The following LRGUK variants were observed in gnomAD, a reference collection of about 807,000 sequenced individuals.
LRGUK encodes the protein leucine rich repeats and guanylate kinase domain containing.
Under a neutral mutation model 76.0 loss-of-function variants are expected in LRGUK, and 65 were observed. The observed-to-expected ratio is 0.85, with a 90% confidence interval of 0.70 to 1.05. The LOEUF (loss-of-function observed/expected upper bound fraction) is 1.05. LRGUK is among the 50% of genes least tolerant of loss of function. LRGUK has a pLI of 0.00. For missense variants in LRGUK, 758 were observed against 732.8 expected (o/e 1.03, Z -0.40); for synonymous variants, 268 against 265.6 (o/e 1.01, Z -0.09).
chr7:134,242,377 A>G (rs1802182541), intron 16 of LRGUK, among the ~76,000 whole-genome samples: 2 of 152,354 alleles, frequency 1.3e-5, no homozygotes, highest in South Asian at 2.1e-4. Flanking sequence ...GGATATCACC[A>G]TGGATCCCAC....
In LRGUK at chr7:134,184,002, T is replaced by A. The variant is rs1672742449; in HGVS notation, c.1334+149T>A. The stretch of plus-strand genomic sequence containing the variant: ...TGTACAAAACAACTTAATATTTAAG[T>A]TACACTTTATAGCAAAGCCAAAAGT... On this transcript the variant is annotated intron_variant, in intron 11 of 15. Transcript: ENST00000645682. 10 of 1,069,986 alleles carry A rather than the reference T, an allele frequency of 9.3e-6. No homozygotes were observed. In the South Asian group the frequency reaches 1.3e-4, roughly 14 times the overall value. 66.3% of individuals were successfully genotyped at this position (1,069,986 alleles called of 1,614,324 possible).
chr7:134,171,680 T>G (rs1554461677), intron 7 of LRGUK, among the ~76,000 whole-genome samples: 1 of 152,142 alleles, frequency 6.6e-6, no homozygotes, highest in Non-Finnish European at 1.5e-5. Context: ...GGATCAACTG[T>G]GCTGAGATGA....
intron 16 of LRGUK, among the ~76,000 whole-genome samples, chr7:134,232,211 G>GA (rs1471498617): frequency 7.9e-5 from 12 of 152,062 alleles, no homozygotes; most frequent in Non-Finnish European, 1.8e-4. Context: ...TCTTTGAGTA[G>GA]AAAATGGGCT....
chr7:134,190,935 T>TTGTTGAGCGGTAAGC (rs1800206894), intron 11 of LRGUK, among the ~76,000 whole-genome samples: 1 of 152,182 alleles, frequency 6.6e-6, no homozygotes, highest in Non-Finnish European at 1.5e-5. Context: ...GGATAGACAG[T>TTGTTGAGCGGTAAGC]AGTTGAGCGG....
chr7:134,140,719 C>CT (rs1260927754), intron 3 of LRGUK, among the ~76,000 whole-genome samples: 1 of 152,066 alleles, frequency 6.6e-6, no homozygotes, highest in African/African-American at 2.4e-5. Flanking sequence ...ATAAAGTCCA[C>CT]TTTTTAACGA....
At chr7:134,210,889 G>A (rs1801239265), downstream of LRGUK, among the ~76,000 whole-genome samples, 2 of 152,246 alleles carry the variant, frequency 1.3e-5, no homozygotes, top group Non-Finnish European at 2.9e-5. Flanking sequence ...CCACTCCCCA[G>A]AACCAGGTGT....
intron 4 of LRGUK, among the ~76,000 whole-genome samples, chr7:134,145,501 C>T (rs1797931941): frequency 6.6e-6 from 1 of 152,174 alleles, no homozygotes; most frequent in African/African-American, 2.4e-5. Context: ...CCCGCCTTGG[C>T]CTCCCAAAGT....
chr7:134,195,732 A>G (rs1286247696), intron 12 of LRGUK, among the ~76,000 whole-genome samples: 2 of 152,190 alleles, frequency 1.3e-5, no homozygotes, highest in African/African-American at 2.4e-5. Flanking sequence ...CCAGACATAT[A>G]TATATATATA....
In LRGUK at chr7:134,185,531, A is replaced by C. The variant is rs183262372; in HGVS notation, c.1334+1678A>C. 9.1e-4 allele frequency among the ~76,000 whole-genome samples: 139 copies of C among 152,194 alleles called. 1 individual carries two copies. The East Asian group carries it at 0.025, about 27-fold the overall frequency. Reference sequence around the variant, plus strand: ...CAACAGAGCGAGACTCTGTCTCAAAAAAAAAAAAAAGATTTTTTTTTAGAG... The same window carrying C: ...CAACAGAGCGAGACTCTGTCTCAAACAAAAAAAAAAGATTTTTTTTTAGAG... On this transcript the variant is annotated intron_variant, in intron 11 of 15. Transcript: ENST00000645682.
intron 16 of LRGUK, among the ~76,000 whole-genome samples, chr7:134,234,055 A>G (rs1375213666): frequency 6.6e-6 from 1 of 152,134 alleles, no homozygotes; most frequent in Non-Finnish European, 1.5e-5. Context: ...TTCTTCTTCC[A>G]GTGTGGCCCA....
chr7:134,229,940 A>T (rs1218359957), intron 16 of LRGUK, among the ~76,000 whole-genome samples: 1 of 152,180 alleles, frequency 6.6e-6, no homozygotes, highest in African/African-American at 2.4e-5. Flanking sequence ...ATAGTTCAAA[A>T]AATAATGTAA....
At chr7:134,242,972 A>AT (rs1330406951) in intron 16 of LRGUK, among the ~76,000 whole-genome samples, 1 of 152,216 alleles carries the variant, frequency 6.6e-6, no homozygotes, top group Non-Finnish European at 1.5e-5. Flanking sequence ...ATCTCAATAC[A>AT]TGCAGAAAAG....
intron 16 of LRGUK, among the ~76,000 whole-genome samples, chr7:134,239,418 G>A (rs191877444): frequency 4.7e-4 from 72 of 152,342 alleles, no homozygotes; most frequent in Admixed American, 9.8e-4. Context: ...TGCCTGGCTC[G>A]GAGGGTCCCA....
intron 13 of LRGUK, 114 bp from the exon 14 acceptor site, chr7:134,199,106 A>G: frequency 1.4e-6 from 1 of 719,020 alleles, no homozygotes; most frequent in East Asian, 2.8e-5. Context: ...GATGAAATAA[A>G]TTCTTCAATA....
chr7:134,164,771 C>T (rs1316830711), intron 7 of LRGUK, among the ~76,000 whole-genome samples: 1 of 152,148 alleles, frequency 6.6e-6, no homozygotes, highest in Non-Finnish European at 1.5e-5. Flanking sequence ...ACAGACTTCC[C>T]TCATCTGTTA....
At chr7:134,265,602 A>G (rs1802841126), downstream of LRGUK, among the ~76,000 whole-genome samples, 1 of 152,204 alleles carries the variant, frequency 6.6e-6, no homozygotes, top group Non-Finnish European at 1.5e-5. Flanking sequence ...ATTCCAGCCA[A>G]ACACCATGGA....
Position 134,157,993 on chromosome 7 carries a change from G to A in LRGUK, c.671-42G>A, listed in dbSNP as rs142040332. On this transcript the variant is annotated intron_variant, in intron 5 of 15. Transcript: ENST00000645682. ...CACTGATTCTTTTTTTCTTCCAAAT[G>A]CTTTTAATAACATTTTCCTTAAACG... The A allele has an allele frequency of 6.8e-4, 1,065 of 1,568,060 alleles. 7 individuals carry two copies. In the African/African-American group the frequency reaches 0.013, roughly 19 times the overall value.
chr7:134,239,149 C>T (rs538735124), intron 16 of LRGUK, among the ~76,000 whole-genome samples: 25 of 152,282 alleles, frequency 1.6e-4, no homozygotes, highest in Middle Eastern at 3.4e-3. Flanking sequence ...CCAGCATGAG[C>T]GACACAGAAG....
chr7:134,233,099 G>A (rs898890734), intron 16 of LRGUK, among the ~76,000 whole-genome samples: 1 of 152,160 alleles, frequency 6.6e-6, no homozygotes, highest in Admixed American at 6.5e-5. Flanking sequence ...CAACACTCAT[G>A]TATAGGTTAC....
Sources: allele counts gnomAD v4.1 joint callset (sites outside exome capture counted in the v4.1 genomes callset), GRCh38; gene constraint gnomAD v4.1.1; transcripts MANE v1.5; gene names NCBI Gene and HGNC (gene_info 2026-07-23, HGNC 2026-07-21).